Variants in SPTBN4 observed in about 807,000 individuals in gnomAD.
The protein encoded by SPTBN4 is spectrin beta, non-erythrocytic 4.
Under a neutral mutation model 277.8 loss-of-function variants are expected in SPTBN4, and 96 were observed. The ratio of observed to expected loss-of-function variants is 0.35; its 90% CI spans 0.29 to 0.41. SPTBN4 has a LOEUF of 0.41. Among genes scored for constraint, SPTBN4 ranks in the 10% least tolerant of loss-of-function variants. SPTBN4 has a pLI of 1.00. For missense variants in SPTBN4, 3,006 were observed against 3,595.7 expected (o/e 0.84, Z 4.19); for synonymous variants, 1,481 against 1,580.3 (o/e 0.94, Z 1.49).
At chr19:40,520,246 T>G in intron 16 of SPTBN4, 95 bp downstream of exon 16, 13 of 1,273,378 alleles carry the variant, frequency 1.0e-5, no homozygotes, top group East Asian at 9.5e-5. Context: ...AGGAGGGTGT[T>G]TCCTGGGACC....
In SPTBN4 at chr19:40,567,895, C is replaced by T; in HGVS notation, c.6569C>T (p.Pro2190Leu). 6.6e-7 allele frequency: 1 copy of T among 1,523,460 alleles called. No homozygotes were observed. Among genetic ancestry groups the T allele is most frequent in the Non-Finnish European group, 8.8e-7 (1 of 1,138,442 alleles). The allele number at this position is 1,523,460 out of a possible 1,614,324, so 94.4% of individuals were successfully genotyped here. A position where few individuals can be genotyped will look rare whatever the true frequency, so the allele number is the denominator to read the frequency against. The change falls in exon 31 of 36, where the codon CCG becomes CTG. Residue 2190 changes from proline to leucine, a missense_variant. Coordinates refer to ENST00000598249, the MANE Select transcript of SPTBN4 (RefSeq NM_020971.3). ...GAGCTCAAGCCCGAGCGCCTCCAGC[C>T]GCGCATTGACCGGCTGCCGGAGATC... The part of the protein sequence containing the change: ...RQELKPERLQ[P>L]RIDRLPEIPG...
chr19:40,555,414 C>A (rs814505), intron 24 of SPTBN4: 65,514 of 147,416 alleles, frequency 0.44, 15,265 homozygotes, highest in African/African-American at 0.5. Context: ...TGGCTTGAAC[C>A]TGGGTGGCAG....
intron 5 of SPTBN4, among the ~76,000 whole-genome samples, chr19:40,493,704 C>T (rs1307378692): frequency 1.3e-5 from 2 of 152,052 alleles, no homozygotes; most frequent in African/African-American, 2.4e-5. Flanking sequence ...GCCTGGGCTA[C>T]AGAGCAAGAC....
chr19:40,560,803 T>C lies in SPTBN4; in HGVS notation c.5915+400T>C, dbSNP rs2081035257. 1 of 1,090,880 alleles carries C rather than the reference T, an allele frequency of 9.2e-7. No individual in the cohort carries two copies. Among genetic ancestry groups the C allele is most frequent in the Admixed American group, 4.4e-5 (1 of 22,734 alleles). 67.6% of individuals were successfully genotyped at this position (1,090,880 alleles called of 1,614,324 possible). On this transcript the variant is annotated intron_variant, in intron 27 of 35. Coordinates refer to ENST00000598249, the MANE Select transcript of SPTBN4 (RefSeq NM_020971.3). This position sits in a 1 kb window ranked among gnomAD's most constrained non-coding sequence, Gnocchi z 5.2. Reference sequence around the variant, plus strand: ...CATGGGCTTATTGCTCACATAGTGGTTGGATGTGAGTGTCCAGCAGAATCC... The same window carrying C: ...CATGGGCTTATTGCTCACATAGTGGCTGGATGTGAGTGTCCAGCAGAATCC...
intron 2 of SPTBN4, among the ~76,000 whole-genome samples, chr19:40,477,683 C>T (rs2079964313): frequency 6.6e-6 from 1 of 152,080 alleles, no homozygotes; most frequent in Admixed American, 6.6e-5. Flanking sequence ...AACTTCAGGC[C>T]TAAAGGATGA....
Position 40,513,519 on chromosome 19 carries a change from G to A in SPTBN4, c.2730G>A (p.Pro910=). 3 of 1,592,508 alleles carry A rather than the reference G, an allele frequency of 1.9e-6. No individual in the cohort carries two copies. The highest frequency in any genetic ancestry group is 1.3e-5 in the African/African-American group (1 of 74,764). The change falls in exon 14 of 36, where the codon CCG becomes CCA. Residue 910 remains proline (P), a synonymous_variant. Coordinates refer to ENST00000598249, the MANE Select transcript of SPTBN4 (RefSeq NM_020971.3). ...AATGGCTGCTCTCCATGCGTGTGCC[G>A]GATTCACTCGACGACGTCGAGGTGG... ...KEQWLLSMRV[P]DSLDDVEVVQ...
chr19:40,572,241 C>A, intron 34 of SPTBN4, 49 bp downstream of exon 34: 1 of 1,599,798 alleles, frequency 6.3e-7, no homozygotes, highest in Middle Eastern at 1.8e-4. Flanking sequence ...TCAGCTTCAA[C>A]TCCCAGTGGG....
rs1024232217 is a variant in SPTBN4, at chr19:40,567,899, C to T, written c.6573C>T (p.Arg2191=). The change falls in exon 31 of 36, where the codon CGC becomes CGT. Residue 2191 remains arginine (R), a synonymous_variant. Transcript: ENST00000598249. The part of the protein sequence containing the change: ...QELKPERLQP[R]IDRLPEIPGR... ...TCAAGCCCGAGCGCCTCCAGCCGCGCATTGACCGGCTGCCGGAGATCCCGG... is the reference window on the plus strand; with the variant it reads ...TCAAGCCCGAGCGCCTCCAGCCGCGTATTGACCGGCTGCCGGAGATCCCGG... The T allele has an allele frequency of 6.6e-6, 10 of 1,523,480 alleles. No individual in the cohort carries two copies. Among genetic ancestry groups the T allele is most frequent in the Non-Finnish European group, 8.8e-6 (10 of 1,138,502 alleles). The allele number at this position is 1,523,480 out of a possible 1,614,324, so 94.4% of individuals were successfully genotyped here. A position where few individuals can be genotyped will look rare whatever the true frequency, so the allele number is the denominator to read the frequency against.
chr19:40,544,440 C>CTTTTTTTTTT (rs3071333), intron 20 of SPTBN4, among the ~76,000 whole-genome samples: 22 of 51,756 alleles, frequency 4.3e-4, no homozygotes, highest in Admixed American at 5.7e-4. Context: ...TTGTGCCCGG[C>CTTTTTTTTTT]TTTTTTTTTT....
Position 40,519,937 on chromosome 19 carries a change from C to G in SPTBN4, c.3440C>G (p.Ala1147Gly), listed in dbSNP as rs752726474. The change falls in exon 16 of 36, where the codon GCT becomes GGT. Residue 1147 changes from alanine (A) to glycine (G), a missense_variant. Ala to Gly is a moderately conservative substitution (Grantham distance 60). Around this residue, in one of 5 missense-constraint regions of SPTBN4, gnomAD observed 1,759 missense variants for 2,061.5 expected, o/e 0.85. Transcript: ENST00000598249. This position sits in a 1 kb window ranked among gnomAD's most constrained non-coding sequence, Gnocchi z 5.7. The part of the protein sequence containing the change: ...EEVDQREEDY[A>G]RIVAASEALL... ...GTGGACCAGCGCGAGGAAGACTATG[C>G]TCGCATCGTGGCGGCCAGCGAGGCG... 7.7e-6 allele frequency: 12 copies of G among 1,553,308 alleles called. No homozygotes were observed. The South Asian group carries it at 1.3e-4, about 17-fold the overall frequency.
chr19:40,557,138 C>T lies in SPTBN4; in HGVS notation c.5405C>T (p.Ala1802Val), dbSNP rs888381976. The change falls in exon 26 of 36, where the codon GCG (alanine) becomes GTG (valine). Residue 1802 changes from alanine to valine, a missense_variant. Ala to Val is a moderately conservative substitution (Grantham distance 64). Around this residue, in one of 5 missense-constraint regions of SPTBN4, gnomAD observed 425 missense variants for 594.7 expected, o/e 0.71. Coordinates refer to ENST00000598249, the MANE Select transcript of SPTBN4 (RefSeq NM_020971.3). ...CTGATCGAGTGTGGCCATACAGCAG[C>T]GGCCACCATGGCCGAGTGGAAGGAC... Reference protein sequence around the residue: ...DELIECGHTAAATMAEWKDGL... With the variant: ...DELIECGHTAVATMAEWKDGL... 2.5e-6 allele frequency: 4 copies of T among 1,611,088 alleles called. No homozygotes were observed. Among genetic ancestry groups the T allele is most frequent in the Non-Finnish European group, 3.4e-6 (4 of 1,177,750 alleles).
At position 40,492,983 on chromosome 19, in the gene SPTBN4, G is replaced by A; in HGVS notation, c.516G>A (p.Glu172=). The A allele has an allele frequency of 6.2e-7, 1 of 1,614,094 alleles. No individual in the cohort carries two copies. The highest frequency in any genetic ancestry group is 8.5e-7 in the Non-Finnish European group (1 of 1,179,986). Residue 172 remains glutamate, a synonymous_variant, in exon 5 of 36, where the codon GAG becomes GAA. Transcript: ENST00000598249. ...CACAGATTCAAGTCATCAAAATTGA[G>A]ACTGAGGACAACAGAGAGACACGCT... ...LRFQIQVIKI[E]TEDNRETRSA...
At chr19:40,492,797 C>T (rs528945457) in intron 4 of SPTBN4, among the ~76,000 whole-genome samples, 166 bp from the exon 5 acceptor site, 8 of 152,218 alleles carry the variant, frequency 5.3e-5, no homozygotes, top group African/African-American at 1.9e-4. Context: ...GATGTCCTGG[C>T]CCTCAGGAAT....
intron 7 of SPTBN4, among the ~76,000 whole-genome samples, chr19:40,500,919 C>T (rs1409180612): frequency 6.6e-6 from 1 of 151,936 alleles, no homozygotes; most frequent in African/African-American, 2.4e-5. Context: ...TAGTGTTTGT[C>T]CTCATGAAGC....
chr19:40,557,556 C>G (rs895181163), intron 26 of SPTBN4, among the ~76,000 whole-genome samples, 153 bp downstream of exon 26: 1 of 152,140 alleles, frequency 6.6e-6, no homozygotes, highest in South Asian at 2.1e-4. Flanking sequence ...GATAATGGAG[C>G]AGATAGAAAA....
intron 20 of SPTBN4, among the ~76,000 whole-genome samples, chr19:40,545,554 C>T (rs186942703): frequency 3.3e-5 from 5 of 152,330 alleles, no homozygotes; most frequent in Admixed American, 2.6e-4. Flanking sequence ...CATCTCCCAA[C>T]ATCTTTGCCA....
At chr19:40,493,998 C>T (rs900681209) in intron 5 of SPTBN4, among the ~76,000 whole-genome samples, 15 of 152,200 alleles carry the variant, frequency 9.9e-5, no homozygotes, top group African/African-American at 2.9e-4. Context: ...GTTCAAAGTC[C>T]TTGGTCGCTT....
chr19:40,523,417 C>T lies in SPTBN4; in HGVS notation c.3655-20C>T. 1 of 1,573,934 alleles carries T rather than the reference C, an allele frequency of 6.4e-7. No homozygotes were observed. The highest frequency in any genetic ancestry group is 8.6e-7 in the Non-Finnish European group (1 of 1,158,482). On this transcript the variant is annotated intron_variant, in intron 16 of 35. Transcript: ENST00000598249. Reference sequence around the variant, plus strand: ...GAATGGAATGAGGCTGACCTTTGCACCACGCTCCCTCCTCCCCAGGAGATG... The same window carrying T: ...GAATGGAATGAGGCTGACCTTTGCATCACGCTCCCTCCTCCCCAGGAGATG...
intron 3 of SPTBN4, among the ~76,000 whole-genome samples, chr19:40,489,386 G>T (rs1426851765): frequency 6.6e-6 from 1 of 151,302 alleles, no homozygotes; most frequent in Non-Finnish European, 1.5e-5. Context: ...GTGACGCGGA[G>T]TTTTTGTTTG....
Sources: allele counts gnomAD v4.1 joint callset (sites outside exome capture counted in the v4.1 genomes callset), GRCh38; gene constraint gnomAD v4.1.1; regional missense constraint gnomAD v4.1.1; non-coding constraint Gnocchi (gnomAD v3.1); transcripts MANE v1.5; gene names NCBI Gene and HGNC (gene_info 2026-07-23, HGNC 2026-07-21).